MCCC1: variants seen among roughly 807,000 people sequenced by gnomAD.
MCCC1 encodes the protein methylcrotonoyl-CoA carboxylase subunit alpha, mitochondrial.
In MCCC1, 64 loss-of-function variants were observed where a neutral mutation model predicts 83.8. That is an observed-to-expected ratio of 0.76 (90% CI 0.62 to 0.94). MCCC1 has a LOEUF of 0.94. MCCC1 is among the 40% of genes least tolerant of loss of function. The pLI is 0.00. For missense variants in MCCC1, 807 were observed against 904.7 expected, an observed-to-expected ratio of 0.89 and a Z score of 1.39; for synonymous variants, 322 against 315.4, an observed-to-expected ratio of 1.02 and a Z score of -0.22.
chr3:183,046,976 A>T (rs1275389179), intron 9 of MCCC1, among the ~76,000 whole-genome samples: 7 of 152,084 alleles, frequency 4.6e-5, no homozygotes, highest in Non-Finnish European at 7.3e-5. Context: ...CTCCAAGGCG[A>T]CCCAGTTACA....
chr3:183,021,559 A>G (rs1486775812), intron 16 of MCCC1, among the ~76,000 whole-genome samples: 1 of 152,198 alleles, frequency 6.6e-6, no homozygotes, highest in Non-Finnish European at 1.5e-5. Flanking sequence ...CTGTTTATAG[A>G]TAGGAGAGCT....
intron 12 of MCCC1, 81 bp from the exon 13 acceptor site, chr3:183,037,515 G>T: frequency 1.7e-6 from 2 of 1,165,242 alleles, no homozygotes; most frequent in Non-Finnish European, 2.5e-6. Context: ...TTTTATCTAA[G>T]TATTTTCTAC....
intron 2 of MCCC1, 99 bp from the exon 3 acceptor site, chr3:183,092,644 T>C (rs1000990750): frequency 6.7e-7 from 1 of 1,502,674 alleles, no homozygotes; most frequent in African/African-American, 1.4e-5. Flanking sequence ...ACTCGACTGA[T>C]AAGTTCAAGG....
chr3:183,034,374 C>T (rs1258021580), intron 13 of MCCC1, among the ~76,000 whole-genome samples: 3 of 149,962 alleles, frequency 2.0e-5, no homozygotes, highest in African/African-American at 7.4e-5. Context: ...TGGCGTGAAT[C>T]CGGGAGGTGG....
At chr3:183,017,360 T>C (rs780866845) in intron 17 of MCCC1, 23 bp from the exon 18 acceptor site, 1 of 1,612,144 alleles carries the variant, frequency 6.2e-7, no homozygotes, top group South Asian at 1.1e-5. Context: ...TGTGACAGGT[T>C]AATATTTGAA....
intron 7 of MCCC1, among the ~76,000 whole-genome samples, chr3:183,060,622 C>T (rs919102731): frequency 1.7e-4 from 26 of 151,368 alleles, no homozygotes; most frequent in African/African-American, 6.4e-4. Flanking sequence ...ATGTGCACAA[C>T]GTGCAGGTTT....
At chr3:183,114,749 G>T (rs2134429) in intron 1 of MCCC1, among the ~76,000 whole-genome samples, 2 of 152,258 alleles carry the variant, frequency 1.3e-5, no homozygotes, top group African/African-American at 2.4e-5. Flanking sequence ...TTCTGGAAAC[G>T]GAGCAAGGAA....
At chr3:183,072,592 G>T in intron 4 of MCCC1, 105 bp from the exon 5 acceptor site, 2 of 1,217,818 alleles carry the variant, frequency 1.6e-6, no homozygotes, top group Non-Finnish European at 2.4e-6. Context: ...CCCTACACTG[G>T]TAATAGTATG....
At chr3:183,057,514 A>G (rs1455527714) in intron 7 of MCCC1, 92 bp from the exon 8 acceptor site, 3 of 1,007,738 alleles carry the variant, frequency 3.0e-6, no homozygotes, top group Non-Finnish European at 4.6e-6. Context: ...AATCACCAGG[A>G]TTTCTCCATT....
At chr3:183,086,981 G>C (rs1216594410) in intron 3 of MCCC1, among the ~76,000 whole-genome samples, 193 bp from the exon 4 acceptor site, 1 of 152,184 alleles carries the variant, frequency 6.6e-6, no homozygotes, top group Admixed American at 6.5e-5. Context: ...AGAATCTTTT[G>C]CATGAAGAGG....
intron 4 of MCCC1, among the ~76,000 whole-genome samples, chr3:183,080,926 A>G (rs930653416): frequency 6.6e-6 from 1 of 152,208 alleles, no homozygotes; most frequent in African/African-American, 2.4e-5. Context: ...AGAACAGCAC[A>G]GTAAAGACCC....
intron 14 of MCCC1, among the ~76,000 whole-genome samples, chr3:183,029,653 T>C (rs1446064994): frequency 6.6e-6 from 1 of 152,246 alleles, no homozygotes; most frequent in Non-Finnish European, 1.5e-5. Flanking sequence ...CACTAGAAGT[T>C]CTTCTGCTTT....
In MCCC1 at chr3:183,064,406, C is replaced by T. The variant is rs1320756019; in HGVS notation, c.761+6593G>A. Among the ~76,000 whole-genome samples, 3 of 152,318 alleles carry T rather than the reference C, an allele frequency of 2.0e-5. No individual in the cohort carries two copies. The highest frequency in any genetic ancestry group is 3.9e-4 in the East Asian group (2 of 5,180). ...AATTTGCGAGGTCCGAGAGGGACTG[C>T]AGGAAACGCCTCCCTTCCTGGCTTC... On this transcript the variant is annotated intron_variant, in intron 7 of 18. Coordinates refer to ENST00000265594, the MANE Select transcript of MCCC1 (RefSeq NM_020166.5). This position sits in a 1 kb window ranked among gnomAD's most constrained non-coding sequence, Gnocchi z 4.5.
At chr3:183,088,016 C>T (rs7611168) in intron 3 of MCCC1, among the ~76,000 whole-genome samples, 136,283 of 151,872 alleles carry the variant, frequency 0.9, 61,506 homozygotes, top group East Asian at 1. Context: ...ACTGGTCCAG[C>T]TGAGTGACCG....
chr3:183,087,102 A>G (rs1442218378), intron 3 of MCCC1, among the ~76,000 whole-genome samples: 1 of 152,250 alleles, frequency 6.6e-6, no homozygotes, highest in Non-Finnish European at 1.5e-5. Context: ...AACAATAATA[A>G]CCTTAAATGT....
chr3:183,069,427 G>A (rs778830260), intron 7 of MCCC1, among the ~76,000 whole-genome samples: 11 of 152,094 alleles, frequency 7.2e-5, no homozygotes, highest in African/African-American at 1.7e-4. Flanking sequence ...TGATTTGGAT[G>A]GCTAGCCTAT....
chr3:183,067,162 G>T (rs1716315720), intron 7 of MCCC1, among the ~76,000 whole-genome samples: 2 of 152,178 alleles, frequency 1.3e-5, no homozygotes, highest in South Asian at 2.1e-4. Flanking sequence ...GGGGAAAACT[G>T]GCCTCATTCC....
intron 4 of MCCC1, among the ~76,000 whole-genome samples, chr3:183,079,444 A>T (rs1717325642): frequency 6.6e-6 from 1 of 152,134 alleles, no homozygotes; most frequent in South Asian, 2.1e-4. Context: ...AAAGCTCCAA[A>T]ATGATCTCCT....
chr3:183,034,734 T>A (rs1247999679), intron 13 of MCCC1, among the ~76,000 whole-genome samples: 9 of 151,930 alleles, frequency 5.9e-5, no homozygotes. Flanking sequence ...TGGCCTCTTT[T>A]ACTCTTTTAT....
Sources: gnomAD v4.1 joint callset for allele counts (sites outside exome capture counted in the v4.1 genomes callset) on GRCh38, gnomAD v4.1.1 for gene constraint, Gnocchi (gnomAD v3.1) non-coding constraint, MANE v1.5 for transcripts, NCBI Gene and HGNC (gene_info 2026-07-23, HGNC 2026-07-21) for gene names.